MDGA2: variants seen among roughly 807,000 people sequenced by gnomAD.
MDGA2 encodes the protein MAM domain-containing glycosylphosphatidylinositol anchor protein 2.
MDGA2 carries 40 observed loss-of-function variants against 117.8 expected under a neutral mutation model. The observed-to-expected ratio is 0.34, with a 90% CI of 0.26 to 0.44. The LOEUF is 0.44. MDGA2 is among the 20% of genes least tolerant of loss of function. The pLI, the probability that MDGA2 is intolerant of heterozygous loss-of-function variation, is 1.00. For synonymous variants in MDGA2, 452 were observed against 439.0 expected, an observed-to-expected ratio of 1.03 and a Z score of -0.37; for missense variants, 1,123 against 1,250.6, an observed-to-expected ratio of 0.90 and a Z score of 1.54.
At chr14:47,320,832 A>T (rs757681816) in intron 1 of MDGA2, among the ~76,000 whole-genome samples, 1 of 152,074 alleles carries the variant, frequency 6.6e-6, no homozygotes, top group African/African-American at 2.4e-5. Context: ...GGTTAAAGAG[A>T]TTTAAGAATG....
chr14:47,218,913 TAAACACAGCTGTCTAC>T (rs1886198512), intron 2 of MDGA2, among the ~76,000 whole-genome samples: 1 of 152,120 alleles, frequency 6.6e-6, no homozygotes, highest in Admixed American at 6.6e-5. Flanking sequence ...ACCATTATTT[TAAACACAGCTGTCTAC>T]AACAGACTTC....
At chr14:46,961,588 G>A (rs755941727) in intron 8 of MDGA2, among the ~76,000 whole-genome samples, 11 of 151,700 alleles carry the variant, frequency 7.3e-5, no homozygotes, top group Admixed American at 7.2e-4. Flanking sequence ...ACCTGAAAAA[G>A]TAGTTAAGCT....
At chr14:47,069,726 C>T (rs1890211314) in intron 6 of MDGA2, among the ~76,000 whole-genome samples, 1 of 152,034 alleles carries the variant, frequency 6.6e-6, no homozygotes, top group African/African-American at 2.4e-5. Context: ...TGTTTTGTTT[C>T]TTGAGATGTA....
chr14:47,523,519 T>TA (rs1364346042), intron 1 of MDGA2, among the ~76,000 whole-genome samples: 1 of 152,118 alleles, frequency 6.6e-6, no homozygotes. Context: ...TCAGAATACT[T>TA]AGAGGTTAAC....
intron 1 of MDGA2, among the ~76,000 whole-genome samples, chr14:47,642,896 A>G (rs1228109136): frequency 1.3e-5 from 2 of 152,202 alleles, no homozygotes; most frequent in African/African-American, 2.4e-5. Context: ...GATTGGGTTC[A>G]AACTCCAGCT....
intron 3 of MDGA2, among the ~76,000 whole-genome samples, chr14:47,217,563 G>C (rs892635847): frequency 6.6e-6 from 1 of 151,666 alleles, no homozygotes; most frequent in African/African-American, 2.4e-5. Flanking sequence ...GTCATTTACA[G>C]GCCAATTCAT....
intron 8 of MDGA2, among the ~76,000 whole-genome samples, chr14:47,013,095 A>G (rs138816898): frequency 8.8e-4 from 134 of 152,280 alleles, no homozygotes; most frequent in South Asian, 1.2e-3. Flanking sequence ...TAAGAAAACA[A>G]TGAAGTTTGC....
At chr14:47,433,333 T>C (rs778822799) in intron 1 of MDGA2, among the ~76,000 whole-genome samples, 17 of 152,004 alleles carry the variant, frequency 1.1e-4, no homozygotes, top group African/African-American at 3.9e-4. Flanking sequence ...ACACTAAGTA[T>C]TGATTAAGAA....
chr14:47,208,417 G>C (rs1466872411), intron 3 of MDGA2, among the ~76,000 whole-genome samples: 2 of 151,692 alleles, frequency 1.3e-5, no homozygotes, highest in African/African-American at 2.4e-5. Flanking sequence ...CTCAGAATTT[G>C]CTGGACTTTA....
intron 14 of MDGA2, among the ~76,000 whole-genome samples, chr14:46,857,878 A>G (rs539399840): frequency 4.6e-5 from 7 of 151,830 alleles, no homozygotes; most frequent in Admixed American, 1.3e-4. Context: ...TAGATCTCCA[A>G]CTGAGTTCAA....
intron 10 of MDGA2, among the ~76,000 whole-genome samples, chr14:46,895,362 G>A (rs1883035010): frequency 6.6e-6 from 1 of 152,156 alleles, no homozygotes; most frequent in Non-Finnish European, 1.5e-5. Context: ...ATAGAAGCAT[G>A]AGAATGGACT....
intron 10 of MDGA2, among the ~76,000 whole-genome samples, chr14:46,887,292 G>C (rs1473657330): frequency 6.6e-6 from 1 of 151,912 alleles, no homozygotes; most frequent in Non-Finnish European, 1.5e-5. Context: ...CCTATTTCAT[G>C]AATGAAAAAA....
chr14:47,663,204 T>A (rs941852360), intron 1 of MDGA2, among the ~76,000 whole-genome samples: 2 of 152,228 alleles, frequency 1.3e-5, no homozygotes, highest in Non-Finnish European at 2.9e-5. Context: ...GTGAAATTAC[T>A]TGGCAGTTGT....
chr14:47,355,385 C>A (rs76432713), intron 1 of MDGA2, among the ~76,000 whole-genome samples: 9 of 152,082 alleles, frequency 5.9e-5, no homozygotes, highest in Non-Finnish European at 1.3e-4. Flanking sequence ...TTCTGCAATA[C>A]AGCCTGGCTG....
At chr14:47,287,687 AT>A (rs1481504423) in intron 2 of MDGA2, among the ~76,000 whole-genome samples, 4 of 152,182 alleles carry the variant, frequency 2.6e-5, no homozygotes, top group Non-Finnish European at 5.9e-5. Flanking sequence ...AATAAATAAT[AT>A]ATGTTACAGG....
At chr14:47,316,880 T>A (rs1336298724) in intron 1 of MDGA2, among the ~76,000 whole-genome samples, 1 of 152,168 alleles carries the variant, frequency 6.6e-6, no homozygotes, top group Non-Finnish European at 1.5e-5. Context: ...ATTATGCAGA[T>A]GAAGCCTCTA....
chr14:47,385,234 A>G (rs1320979689), intron 1 of MDGA2, among the ~76,000 whole-genome samples: 5 of 152,090 alleles, frequency 3.3e-5, no homozygotes, highest in African/African-American at 1.2e-4. Context: ...CTATATAAAT[A>G]TAAATATCTA....
intron 15 of MDGA2, among the ~76,000 whole-genome samples, chr14:46,854,477 A>C (rs1288330733): frequency 6.6e-6 from 1 of 151,672 alleles, no homozygotes; most frequent in Non-Finnish European, 1.5e-5. Context: ...CAATTTCTAT[A>C]TCTTTACTGG....
intron 1 of MDGA2, among the ~76,000 whole-genome samples, chr14:47,595,554 AAAC>A (rs1339977419): frequency 1.5e-5 from 2 of 132,948 alleles, no homozygotes; most frequent in East Asian, 2.4e-4. Context: ...AAACAAAAAA[AAAC>A]AAAAAAAAAA....
Sources: allele counts gnomAD v4.1 joint callset (sites outside exome capture counted in the v4.1 genomes callset), GRCh38; gene constraint gnomAD v4.1.1; transcripts MANE v1.5; gene names NCBI Gene and HGNC (gene_info 2026-07-23, HGNC 2026-07-21).